GALNTL6: variants seen among roughly 807,000 people sequenced by gnomAD.
GALNTL6 encodes the protein polypeptide N-acetylgalactosaminyltransferase-like 6.
In GALNTL6, 46 loss-of-function variants were observed where a neutral mutation model predicts 73.7. The ratio of observed to expected loss-of-function variants is 0.62; its 90% CI spans 0.49 to 0.80. The LOEUF is 0.80. Among genes scored for constraint, GALNTL6 ranks in the 30% least tolerant of loss-of-function variants. GALNTL6 has a pLI of 0.00. For synonymous variants in GALNTL6, 259 were observed against 263.7 expected (o/e 0.98, Z 0.17); for missense variants, 604 against 755.0 (o/e 0.80, Z 2.34).
At chr4:172,515,996 A>G (rs953075027) in intron 5 of GALNTL6, among the ~76,000 whole-genome samples, 2 of 152,158 alleles carry the variant, frequency 1.3e-5, no homozygotes, top group Admixed American at 1.3e-4. Context: ...ATCTATCTTT[A>G]TATGTTACAT....
chr4:172,226,221 G>A (rs997794518), intron 2 of GALNTL6, among the ~76,000 whole-genome samples: 6 of 152,012 alleles, frequency 3.9e-5, no homozygotes, highest in African/African-American at 1.4e-4. Context: ...TAGATAACGT[G>A]TATATCACTG....
intron 8 of GALNTL6, among the ~76,000 whole-genome samples, chr4:172,904,634 T>A (rs1367780134): frequency 6.6e-6 from 1 of 152,146 alleles, no homozygotes; most frequent in Admixed American, 6.6e-5. Flanking sequence ...TGCCCCTTCC[T>A]CTCCACCCTG....
chr4:172,917,361 C>T (rs1228189264), intron 8 of GALNTL6, among the ~76,000 whole-genome samples: 2 of 152,104 alleles, frequency 1.3e-5, no homozygotes, highest in African/African-American at 4.8e-5. Flanking sequence ...GATTAAAACA[C>T]CAAAAGCAAT....
At chr4:172,085,338 A>G (rs879799910) in intron 2 of GALNTL6, among the ~76,000 whole-genome samples, 18 of 152,142 alleles carry the variant, frequency 1.2e-4, no homozygotes, top group African/African-American at 4.8e-5. Flanking sequence ...TTCTGGAGCA[A>G]TGAAAATGGC....
intron 3 of GALNTL6, among the ~76,000 whole-genome samples, chr4:172,257,281 T>C (rs1335248227): frequency 6.6e-6 from 1 of 151,470 alleles, no homozygotes; most frequent in African/African-American, 2.4e-5. Flanking sequence ...GTAAATATAG[T>C]GCTATCTCCC....
At chr4:172,948,044 C>T (rs1459711688) in intron 9 of GALNTL6, among the ~76,000 whole-genome samples, 1 of 152,108 alleles carries the variant, frequency 6.6e-6, no homozygotes, top group Non-Finnish European at 1.5e-5. Context: ...GAATACTGAC[C>T]TCAGAAAGAT....
At chr4:173,009,133 A>T (rs377483013) in intron 10 of GALNTL6, 45 bp from the exon 11 acceptor site, 225 of 1,307,014 alleles carry the variant, frequency 1.7e-4, no homozygotes, top group Non-Finnish European at 2.4e-4. Context: ...CCAATGATAA[A>T]ATACGACATA....
chr4:171,997,928 A>G (rs558962317), intron 2 of GALNTL6, among the ~76,000 whole-genome samples: 2 of 152,244 alleles, frequency 1.3e-5, no homozygotes, highest in East Asian at 3.9e-4. Flanking sequence ...AGGAGTATTC[A>G]GAAAGCTCAG....
At chr4:172,371,677 G>A (rs987569628) in intron 5 of GALNTL6, among the ~76,000 whole-genome samples, 2 of 150,612 alleles carry the variant, frequency 1.3e-5, no homozygotes, top group East Asian at 2.0e-4. Context: ...TCCTCTCTCT[G>A]TCTCTTCCTC....
chr4:172,766,939 TCTGA>T (rs2110848051), intron 5 of GALNTL6, among the ~76,000 whole-genome samples: 1 of 152,336 alleles, frequency 6.6e-6, no homozygotes, highest in South Asian at 2.1e-4. Context: ...GAAGCACCAT[TCTGA>T]CTATTTTGCT....
chr4:172,383,374 A>G (rs1743354355), intron 5 of GALNTL6, among the ~76,000 whole-genome samples: 1 of 152,138 alleles, frequency 6.6e-6, no homozygotes, highest in Non-Finnish European at 1.5e-5. Context: ...GCTATTATAA[A>G]TAAAATTGTT....
chr4:172,706,888 G>T (rs1344917714), intron 5 of GALNTL6, among the ~76,000 whole-genome samples: 1 of 152,094 alleles, frequency 6.6e-6, no homozygotes, highest in African/African-American at 2.4e-5. Context: ...ACAGAGTTTT[G>T]CATGCTGGCT....
intron 7 of GALNTL6, among the ~76,000 whole-genome samples, chr4:172,870,011 G>T (rs1254786245): frequency 1.3e-5 from 2 of 151,692 alleles, no homozygotes; most frequent in African/African-American, 4.9e-5. Context: ...CACACACCCT[G>T]GTATTTGCTC....
At chr4:172,159,779 A>T (rs1004964153) in intron 2 of GALNTL6, among the ~76,000 whole-genome samples, 1 of 152,164 alleles carries the variant, frequency 6.6e-6, no homozygotes, top group Non-Finnish European at 1.5e-5. Context: ...GAAGTAATAT[A>T]ATCATACATG....
intron 5 of GALNTL6, among the ~76,000 whole-genome samples, chr4:172,764,772 ATTATC>A (rs1306862267): frequency 2.6e-5 from 4 of 152,206 alleles, no homozygotes; most frequent in Non-Finnish European, 4.4e-5. Context: ...CTATTTACAA[ATTATC>A]TTATATGTAC....
intron 4 of GALNTL6, among the ~76,000 whole-genome samples, chr4:172,321,842 C>T (rs1561025245): frequency 6.6e-6 from 1 of 152,062 alleles, no homozygotes; most frequent in Non-Finnish European, 1.5e-5. Context: ...GTTATTAAAT[C>T]TCTCTAAGAC....
chr4:172,851,690 T>C (rs188077637), intron 7 of GALNTL6, among the ~76,000 whole-genome samples: 1 of 152,288 alleles, frequency 6.6e-6, no homozygotes, highest in East Asian at 1.9e-4. Flanking sequence ...GACTTCATTA[T>C]AGGATCAGTC....
rs192632748 is a variant in GALNTL6 at position 172,372,140 on chromosome 4, T to C, written c.553+23451T>C. 9.8e-4 allele frequency among the ~76,000 whole-genome samples: 149 copies of C among 152,336 alleles called. 1 individual carries two copies. The South Asian group carries it at 0.016, about 16-fold the overall frequency. ...ATGGCATAACCTACCCTTCGTATCC[T>C]ATTCTCCACAAATGAGCTTCCATCG... On this transcript the variant is annotated intron_variant, in intron 5 of 12. Transcript: ENST00000506823.
At chr4:172,814,730 T>C (rs1203255629) in intron 7 of GALNTL6, among the ~76,000 whole-genome samples, 1 of 152,176 alleles carries the variant, frequency 6.6e-6, no homozygotes, top group Non-Finnish European at 1.5e-5. Flanking sequence ...CAGTTTAAAT[T>C]ACAATCAACA....
Sources: gnomAD v4.1 joint callset for allele counts (sites outside exome capture counted in the v4.1 genomes callset) on GRCh38, gnomAD v4.1.1 for gene constraint, MANE v1.5 for transcripts, NCBI Gene and HGNC (gene_info 2026-07-23, HGNC 2026-07-21) for gene names.